PLXNC1: variants seen among roughly 807,000 people sequenced by gnomAD.
PLXNC1 encodes plexin C1.
PLXNC1 carries 75 observed loss-of-function variants against 178.2 expected under a neutral mutation model. That is an observed-to-expected ratio of 0.42 (90% confidence interval 0.35 to 0.51). The LOEUF (loss-of-function observed/expected upper bound fraction) is 0.51. Ranked by LOEUF, PLXNC1 falls within the 20% of genes least tolerant of loss-of-function variation. The probability of loss-of-function intolerance (pLI) is 0.02; values close to 1 mark genes in which losing one functional copy is unlikely to be tolerated. For synonymous variants in PLXNC1, 790 were observed against 779.9 expected (o/e 1.01, Z -0.22); for missense variants, 1,503 against 1,984.4 (o/e 0.76, Z 4.61).
intron 23 of PLXNC1, among the ~76,000 whole-genome samples, chr12:94,289,918 G>A (rs1183747020): frequency 6.6e-6 from 1 of 152,196 alleles, no homozygotes; most frequent in Non-Finnish European, 1.5e-5. Flanking sequence ...TAATTTCAGA[G>A]TAAAATTTCC....
chr12:94,204,701 G>T (rs960626826), intron 4 of PLXNC1, among the ~76,000 whole-genome samples: 4 of 152,090 alleles, frequency 2.6e-5, no homozygotes, highest in East Asian at 1.9e-4. Flanking sequence ...CGATTCTGGA[G>T]ACCACCTCGC....
At chr12:94,174,829 A>G (rs1454784770) in intron 2 of PLXNC1, among the ~76,000 whole-genome samples, 1 of 152,128 alleles carries the variant, frequency 6.6e-6, no homozygotes. Context: ...GCTGTTTAGG[A>G]TGTCATGTGA....
intron 20 of PLXNC1, among the ~76,000 whole-genome samples, chr12:94,264,786 GC>G (rs148295987): frequency 0.041 from 6,211 of 152,304 alleles, 280 homozygotes; most frequent in African/African-American, 0.11. Context: ...GCATTAGTCT[GC>G]CATATGTAAG....
intron 15 of PLXNC1, among the ~76,000 whole-genome samples, chr12:94,254,187 T>C (rs1964777674): frequency 6.6e-6 from 1 of 152,208 alleles, no homozygotes; most frequent in South Asian, 2.1e-4. Flanking sequence ...AGCTAGTAAA[T>C]GGCAGAGCAA....
rs1363189259 is a variant in PLXNC1 at position 94,275,654 on chromosome 12, C to A, written c.3598-3818C>A. On this transcript the variant is annotated intron_variant, in intron 21 of 30. Transcript: ENST00000258526. ...GGATCACGAGGTCAGGAGATCGAGA[C>A]CATCCCGGCTAAAACGGTGAAACCC... Among the ~76,000 whole-genome samples, 2 of 89,618 alleles carry A rather than the reference C, an allele frequency of 2.2e-5. 1 individual carries two copies. The highest frequency in any genetic ancestry group is 4.5e-5 in the Non-Finnish European group (2 of 43,970). 58.8% of individuals were successfully genotyped at this position (89,618 alleles called of 152,430 possible).
chr12:94,227,202 G>T lies in PLXNC1; in HGVS notation c.1947G>T (p.Glu649Asp). 1 of 1,612,800 alleles carries T rather than the reference G, an allele frequency of 6.2e-7. No homozygotes were observed. Among genetic ancestry groups the T allele is most frequent in the African/African-American group, 1.3e-5 (1 of 75,020 alleles). The change falls in exon 9 of 31, where the codon GAG becomes GAT. Residue 649 changes from glutamate (E) to aspartate (D), a missense_variant. Around this residue, in one of 4 missense-constraint regions of PLXNC1, gnomAD observed 615 missense variants for 698.6 expected, o/e 0.88. Coordinates refer to ENST00000258526, the MANE Select transcript of PLXNC1 (RefSeq NM_005761.3). ...CATCAGGAGGAGGAAGACCCAAGGA[G>T]AACAAGGGGAACAGAACCAACCAGG... ...EKTSGGGRPK[E>D]NKGNRTNQAL...
intron 1 of PLXNC1, chr12:94,168,399 T>C: frequency 6.6e-6 from 1 of 152,368 alleles, no homozygotes; most frequent in Non-Finnish European, 1.5e-5. Flanking sequence ...CTCTCTCTGC[T>C]CTGGGTTTAA....
intron 23 of PLXNC1, among the ~76,000 whole-genome samples, chr12:94,283,074 A>T (rs1966566963): frequency 6.6e-6 from 1 of 152,164 alleles, no homozygotes; most frequent in African/African-American, 2.4e-5. Context: ...ATCCACTCTG[A>T]TAAGAGCTGG....
At chr12:94,208,842 A>G (rs1274354054) in intron 4 of PLXNC1, among the ~76,000 whole-genome samples, 1 of 152,218 alleles carries the variant, frequency 6.6e-6, no homozygotes, top group Non-Finnish European at 1.5e-5. Flanking sequence ...TGACACATCA[A>G]GCAAGCCAGT....
chr12:94,265,337 C>G (rs1013680458), intron 21 of PLXNC1, 112 bp downstream of exon 21: 1 of 927,072 alleles, frequency 1.1e-6, no homozygotes, highest in Non-Finnish European at 1.6e-6. Flanking sequence ...GCGGGAGGCC[C>G]TGTGTGTTTA....
chr12:94,236,320 GT>G (rs1964239703), intron 9 of PLXNC1, among the ~76,000 whole-genome samples: 1 of 152,244 alleles, frequency 6.6e-6, no homozygotes, highest in Non-Finnish European at 1.5e-5. Context: ...ACTGTGCCGT[GT>G]AGCACCTGTG....
rs1249729457 is a variant in PLXNC1, at chr12:94,148,980, C to G, written c.9C>G (p.Val3=). 7.0e-7 allele frequency: 1 copy of G among 1,427,316 alleles called. No homozygotes were observed. The highest frequency in any genetic ancestry group is 2.7e-5 in the Admixed American group (1 of 37,472). The allele number at this position is 1,427,316 out of a possible 1,614,324, so 88.4% of individuals were successfully genotyped here. A position where few individuals can be genotyped will look rare whatever the true frequency, so the allele number is the denominator to read the frequency against. The change falls in exon 1 of 31, where the codon GTC becomes GTG. Residue 3 remains valine (V), a synonymous_variant. Coordinates refer to ENST00000258526, the MANE Select transcript of PLXNC1 (RefSeq NM_005761.3). The surrounding 1 kb of genome is among the most constrained non-coding windows in gnomAD (Gnocchi z 4.8). ...GCGGCCCCCCCAGCCCCATGGAGGT[C>G]TCCCGGAGGAAGGCGCCGCCGCGCC... ME[V]SRRKAPPRPP... is the part of the protein sequence containing the mutation.
intron 23 of PLXNC1, among the ~76,000 whole-genome samples, chr12:94,289,517 C>A (rs1307397093): frequency 6.6e-6 from 1 of 152,170 alleles, no homozygotes; most frequent in Admixed American, 6.5e-5. Context: ...TGGTTTTCAT[C>A]CCTAAAGTAG....
rs571140024 is a variant in PLXNC1, at chr12:94,226,805, A to G, written c.1893+98A>G. The G allele has an allele frequency of 4.9e-5, 42 of 860,062 alleles. 1 individual carries two copies. Among genetic ancestry groups the G allele is most frequent in the Middle Eastern group, 3.4e-4 (1 of 2,974 alleles). The allele number at this position is 860,062 out of a possible 1,614,324, so 53.3% of individuals were successfully genotyped here. On this transcript the variant is annotated intron_variant, in intron 8 of 30. Transcript: ENST00000258526. Reference sequence around the variant, plus strand: ...TTGGGAGGTCGAGGCGGGTGGATCAATTGAGGTCAGGAGTTCGAGACCAGC... The same window carrying G: ...TTGGGAGGTCGAGGCGGGTGGATCAGTTGAGGTCAGGAGTTCGAGACCAGC...
intron 4 of PLXNC1, among the ~76,000 whole-genome samples, chr12:94,195,782 A>G (rs1294373380): frequency 6.6e-6 from 1 of 152,218 alleles, no homozygotes; most frequent in Admixed American, 6.5e-5. Context: ...GTCTAACAGC[A>G]GGGCCCTGTG....
intron 14 of PLXNC1, among the ~76,000 whole-genome samples, chr12:94,250,603 G>A (rs1223208205): frequency 1.3e-5 from 2 of 152,172 alleles, no homozygotes; most frequent in African/African-American, 4.8e-5. Flanking sequence ...TAAGCTTCAT[G>A]TAGAGTTTTT....
At chr12:94,246,611 A>T (rs1964536841) in intron 12 of PLXNC1, among the ~76,000 whole-genome samples, 1 of 152,228 alleles carries the variant, frequency 6.6e-6, no homozygotes, top group Non-Finnish European at 1.5e-5. Context: ...ATGGAACTGT[A>T]GAGTCTTGAG....
At chr12:94,180,734 G>T (rs1460220367) in intron 2 of PLXNC1, among the ~76,000 whole-genome samples, 1 of 152,200 alleles carries the variant, frequency 6.6e-6, no homozygotes, top group African/African-American at 2.4e-5. Context: ...ACTGTATGAT[G>T]ATCAGAGTAT....
In PLXNC1 at chr12:94,289,780, T is replaced by C. The variant is rs1403035553; in HGVS notation, c.3880-4706T>C. Reference sequence around the variant, plus strand: ...TTCTGTCTTTATAATCGTGTTAAAGTGTCACATGGGGGAAATGTTCCAGCT... The same window carrying C: ...TTCTGTCTTTATAATCGTGTTAAAGCGTCACATGGGGGAAATGTTCCAGCT... On this transcript the variant is annotated intron_variant, in intron 23 of 30. Transcript: ENST00000258526. 2.0e-5 allele frequency among the ~76,000 whole-genome samples: 3 copies of C among 152,182 alleles called. No homozygotes were observed. The East Asian group carries it at 5.8e-4, about 29-fold the overall frequency.
Sources: gnomAD v4.1 joint callset for allele counts (sites outside exome capture counted in the v4.1 genomes callset) on GRCh38, gnomAD v4.1.1 for gene constraint, gnomAD v4.1.1 regional missense constraint, Gnocchi (gnomAD v3.1) non-coding constraint, MANE v1.5 for transcripts, NCBI Gene and HGNC (gene_info 2026-07-23, HGNC 2026-07-21) for gene names.